The following COL6A5 variants were observed in gnomAD, a reference collection of about 807,000 sequenced individuals.
COL6A5 encodes the protein collagen alpha-5(VI) chain.
COL6A5 carries 48 observed loss-of-function variants against 65.6 expected under a neutral mutation model. The ratio of observed to expected loss-of-function variants is 0.73; its 90% CI spans 0.58 to 0.93. The LOEUF (loss-of-function observed/expected upper bound fraction) is 0.93. Among genes scored for constraint, COL6A5 ranks in the 40% least tolerant of loss-of-function variants. The pLI, the probability that COL6A5 is intolerant of heterozygous loss-of-function variation, is 0.00. For synonymous variants in COL6A5, 291 were observed against 322.8 expected (o/e 0.90, Z 1.05); for missense variants, 914 against 928.3 (o/e 0.98, Z 0.20).
At chr3:130,443,749 A>T (rs1007416283) in intron 4 of COL6A5, among the ~76,000 whole-genome samples, 183 bp downstream of exon 36, 1 of 152,164 alleles carries the variant, frequency 6.6e-6, no homozygotes, top group Non-Finnish European at 1.5e-5. Flanking sequence ...TTTTTATAAC[A>T]TCATAAGCTT....
At chr3:130,373,098 T>C (rs1369235413) in intron 1 of COL6A5, among the ~76,000 whole-genome samples, 1 of 152,226 alleles carries the variant, frequency 6.6e-6, no homozygotes, top group Non-Finnish European at 1.5e-5. Flanking sequence ...GGAAGAGACG[T>C]GTAGCTGTTG....
At chr3:130,349,198 T>G (rs1356054145) in intron 1 of COL6A5, among the ~76,000 whole-genome samples, 1 of 152,178 alleles carries the variant, frequency 6.6e-6, no homozygotes, top group Non-Finnish European at 1.5e-5. Context: ...TCTCTCAAGA[T>G]GAAATAAGTC....
chr3:130,424,372 C>T (rs962885144), intron 29 of COL6A5, among the ~76,000 whole-genome samples: 1 of 152,046 alleles, frequency 6.6e-6, no homozygotes, highest in South Asian at 2.1e-4. Context: ...AGAAAAATGG[C>T]ACCTCTGGAG....
intron 8 of COL6A5, among the ~76,000 whole-genome samples, chr3:130,396,467 G>C (rs886996753): frequency 6.6e-6 from 1 of 152,210 alleles, no homozygotes; most frequent in African/African-American, 2.4e-5. Flanking sequence ...ACACACGACT[G>C]TTTCCCCATC....
chr3:130,419,114 G>T (rs1937451391), intron 25 of COL6A5, among the ~76,000 whole-genome samples, 183 bp downstream of exon 25: 1 of 152,070 alleles, frequency 6.6e-6, no homozygotes, highest in East Asian at 1.9e-4. Flanking sequence ...CTGTCAACGT[G>T]AAGGAGAACA....
chr3:130,472,445 A>G (rs1709974844), intron 7 of COL6A5, among the ~76,000 whole-genome samples: 1 of 151,996 alleles, frequency 6.6e-6, no homozygotes, highest in African/African-American at 2.4e-5. Context: ...GGGTGGAGAA[A>G]TGGACCTACA....
chr3:130,413,181 T>TTCATCAGGGAGAACCAGGAAATCCTGGA (rs1553752736), intron 20 of COL6A5, among the ~76,000 whole-genome samples: 1 of 152,012 alleles, frequency 6.6e-6, no homozygotes, highest in Non-Finnish European at 1.5e-5. Context: ...ACAGCTCTTC[T>TTCATCAGGGAGAACCAGGAAATCCTGGA]CCCATGGGAA....
intron 10 of COL6A5, among the ~76,000 whole-genome samples, chr3:130,399,614 G>A (rs570750509): frequency 1.5e-3 from 231 of 151,730 alleles, no homozygotes; most frequent in African/African-American, 4.1e-3. Context: ...CTCATGATCC[G>A]CCCACCTCGG....
At chr3:130,355,555 C>T (rs1366608420) in intron 1 of COL6A5, among the ~76,000 whole-genome samples, 4 of 151,564 alleles carry the variant, frequency 2.6e-5, no homozygotes, top group African/African-American at 9.7e-5. Flanking sequence ...GATATATACA[C>T]CTCTCAAATA....
chr3:130,468,996 C>T (rs1195770440), exon 6 of COL6A5: 1 of 1,612,868 alleles, frequency 6.2e-7, no homozygotes, highest in Non-Finnish European at 8.5e-7. Flanking sequence ...CTGACCTCCA[C>T]CTTAGGAGAC....
At chr3:130,445,208 G>T (rs1187905340) in intron 4 of COL6A5, among the ~76,000 whole-genome samples, 1 of 152,198 alleles carries the variant, frequency 6.6e-6, no homozygotes, top group Non-Finnish European at 1.5e-5. Flanking sequence ...CAATTAAAGT[G>T]AAAACAAATC....
At chr3:130,469,703 G>C (rs1375789919) in intron 6 of COL6A5, among the ~76,000 whole-genome samples, 3 of 152,046 alleles carry the variant, frequency 2.0e-5, no homozygotes, top group African/African-American at 7.2e-5. Context: ...TCAAATGGAT[G>C]AAAAGTGCCC....
exon 8 of COL6A5, chr3:130,484,104 T>C: frequency 1.9e-6 from 3 of 1,561,054 alleles, no homozygotes; most frequent in Non-Finnish European, 2.6e-6. Flanking sequence ...TCCCATGTGG[T>C]TCTAACCAGA....
At chr3:130,406,270 C>T in exon 17 of COL6A5, 1 of 1,550,470 alleles carries the variant, frequency 6.4e-7, no homozygotes, top group Non-Finnish European at 8.7e-7. Context: ...TCTTTTAGGG[C>T]TGTCATGGAT....
Position 130,377,243 on chromosome 3 carries a change from T to C in COL6A5, c.667+407T>C, listed in dbSNP as rs1051426935. Among the ~76,000 whole-genome samples the C allele has an allele frequency of 2.0e-4, 30 of 152,144 alleles. 1 individual carries two copies. Among genetic ancestry groups the C allele is most frequent in the African/African-American group, 6.8e-4 (28 of 41,452 alleles). ...CACGAAGCAAGAAACAGGTAGCACA[T>C]GAGGGCAGGGTTGACAACTTATCTC... On this transcript the variant is annotated intron_variant and NMD_transcript_variant, in intron 3 of 41. Transcript: ENST00000312481.
intron 1 of COL6A5, among the ~76,000 whole-genome samples, chr3:130,351,893 A>G (rs1161976504): frequency 6.6e-6 from 1 of 152,222 alleles, no homozygotes; most frequent in Non-Finnish European, 1.5e-5. Context: ...AATAGCAAAG[A>G]CTTGGAACCA....
chr3:130,426,150 A>T, intron 29 of COL6A5, 64 bp from the exon 30 acceptor site: 1 of 1,458,866 alleles, frequency 6.9e-7, no homozygotes, highest in Non-Finnish European at 9.4e-7. Flanking sequence ...GTCTTGTTTT[A>T]TTACTAAAGA....
At chr3:130,387,102 A>G (rs531095627) in intron 5 of COL6A5, among the ~76,000 whole-genome samples, 2 of 152,218 alleles carry the variant, frequency 1.3e-5, no homozygotes, top group African/African-American at 4.8e-5. Flanking sequence ...AAAACTGAAG[A>G]TCCAGTTCTT....
chr3:130,477,041 G>C (rs1252361655), intron 7 of COL6A5: 1 of 1,472,730 alleles, frequency 6.8e-7, no homozygotes, highest in East Asian at 2.5e-5. Flanking sequence ...TTGCAGATAA[G>C]GAAATGGAAG....
Sources: gnomAD v4.1 joint callset for allele counts (sites outside exome capture counted in the v4.1 genomes callset) on GRCh38, gnomAD v4.1.1 for gene constraint, MANE v1.5 for transcripts, NCBI Gene and HGNC (gene_info 2026-07-23, HGNC 2026-07-21) for gene names.